PITPNC1: variants seen among roughly 807,000 people sequenced by gnomAD.
PITPNC1 encodes the protein cytoplasmic phosphatidylinositol transfer protein 1.
A neutral mutation model predicts 44.7 loss-of-function variants in PITPNC1; 18 were observed. That is an observed-to-expected ratio of 0.40 (90% confidence interval 0.28 to 0.60). The LOEUF (loss-of-function observed/expected upper bound fraction) is 0.60, where lower values mean the gene tolerates loss of function less well. PITPNC1 is among the 20% of genes least tolerant of loss of function. PITPNC1 has a pLI of 0.39. For missense variants in PITPNC1, 290 were observed against 418.4 expected (o/e 0.69, Z 2.68); for synonymous variants, 141 against 149.6 (o/e 0.94, Z 0.42).
intron 1 of PITPNC1, among the ~76,000 whole-genome samples, chr17:67,387,258 C>G (rs1366397390): frequency 6.6e-6 from 1 of 152,206 alleles, no homozygotes; most frequent in Non-Finnish European, 1.5e-5. Flanking sequence ...GCCCCTGCTG[C>G]TCTCCTGGGT....
chr17:67,464,180 G>A (rs2039389112), intron 1 of PITPNC1, among the ~76,000 whole-genome samples: 3 of 149,990 alleles, frequency 2.0e-5, no homozygotes, highest in African/African-American at 5.0e-5. Context: ...GCGACAGAAC[G>A]AGACTCCATC....
At chr17:67,514,931 C>G (rs1446022058) in intron 1 of PITPNC1, among the ~76,000 whole-genome samples, 1 of 152,138 alleles carries the variant, frequency 6.6e-6, no homozygotes, top group East Asian at 1.9e-4. Flanking sequence ...AATCATGGAG[C>G]TAAAACTTCA....
At chr17:67,575,939 T>C (rs2041143768) in intron 4 of PITPNC1, among the ~76,000 whole-genome samples, 1 of 135,812 alleles carries the variant, frequency 7.4e-6, no homozygotes, top group Non-Finnish European at 1.5e-5. Context: ...TGCAATGGCA[T>C]GATCTCAGCT....
intron 1 of PITPNC1, among the ~76,000 whole-genome samples, chr17:67,501,614 C>G (rs1307181777): frequency 6.6e-6 from 1 of 152,102 alleles, no homozygotes; most frequent in Non-Finnish European, 1.5e-5. Context: ...GGCAGATTGC[C>G]TGAGGTCAGG....
intron 5 of PITPNC1, among the ~76,000 whole-genome samples, chr17:67,596,338 A>G (rs1318302015): frequency 6.6e-6 from 1 of 152,088 alleles, no homozygotes; most frequent in African/African-American, 2.4e-5. Flanking sequence ...TACACGTGGT[A>G]TGTCTTTATT....
At chr17:67,636,281 CAAAAAAAAAAA>C (rs4020398) in intron 6 of PITPNC1, among the ~76,000 whole-genome samples, 2 of 77,348 alleles carry the variant, frequency 2.6e-5, no homozygotes, top group East Asian at 4.6e-4. Context: ...GACTCCGTTT[CAAAAAAAAAAA>C]AAAAAAAAAA....
chr17:67,528,166 C>T (rs1358175112), intron 1 of PITPNC1, among the ~76,000 whole-genome samples: 3 of 152,162 alleles, frequency 2.0e-5, no homozygotes, highest in Admixed American at 1.3e-4. Context: ...CTCTGCCTCC[C>T]GATTAGCTGG....
chr17:67,379,099 T>G, intron 1 of PITPNC1: 1 of 985,956 alleles, frequency 1.0e-6, no homozygotes, highest in South Asian at 4.7e-5. Flanking sequence ...CTCCCCACCT[T>G]TGTGGTGATT....
At chr17:67,406,690 G>C (rs549166340) in intron 1 of PITPNC1, among the ~76,000 whole-genome samples, 7 of 151,014 alleles carry the variant, frequency 4.6e-5, no homozygotes, top group Non-Finnish European at 8.8e-5. Context: ...AGGTTCAAGC[G>C]ATCCTCCTGC....
intron 1 of PITPNC1, among the ~76,000 whole-genome samples, chr17:67,510,758 C>T (rs978585477): frequency 2.0e-5 from 3 of 152,060 alleles, no homozygotes; most frequent in African/African-American, 7.2e-5. Context: ...ACCACCATGC[C>T]CAGCTAATTT....
intron 1 of PITPNC1, chr17:67,378,924 C>T: frequency 2.1e-6 from 2 of 972,664 alleles, no homozygotes; most frequent in Non-Finnish European, 2.4e-6. Flanking sequence ...GTGCCGGGGC[C>T]GCGGCTGCCG....
At chr17:67,571,609 T>C (rs1047382129) in intron 4 of PITPNC1, among the ~76,000 whole-genome samples, 2 of 152,200 alleles carry the variant, frequency 1.3e-5, no homozygotes, top group Non-Finnish European at 2.9e-5. Context: ...TCTTCCACGC[T>C]CACTGGTGGT....
At chr17:67,424,769 C>T (rs967112706) in intron 1 of PITPNC1, among the ~76,000 whole-genome samples, 4 of 151,940 alleles carry the variant, frequency 2.6e-5, no homozygotes, top group Admixed American at 6.6e-5. Flanking sequence ...GTGATCGGCT[C>T]GCTGCAACCT....
chr17:67,559,780 G>A (rs143702658), intron 4 of PITPNC1, among the ~76,000 whole-genome samples: 306 of 152,188 alleles, frequency 2.0e-3, no homozygotes, highest in African/African-American at 7.0e-3. Context: ...CCAGCTCCTC[G>A]GGAGGCTGAC....
rs996953852 is a variant in PITPNC1 at position 67,604,521 on chromosome 17, G to A, written c.366+26264G>A. Among the ~76,000 whole-genome samples, 17 of 152,326 alleles carry A rather than the reference G, an allele frequency of 1.1e-4. No individual in the cohort carries two copies. The East Asian group carries it at 2.7e-3, about 24-fold the overall frequency. ...TCCTAGGCCAGGCACGGTCACTCAC[G>A]CCTGTAATCCCAACACTTTGGGAGG... On this transcript the variant is annotated intron_variant, in intron 5 of 8. Transcript: ENST00000581322.
At chr17:67,596,951 T>C (rs1372619865) in intron 5 of PITPNC1, among the ~76,000 whole-genome samples, 1 of 152,096 alleles carries the variant, frequency 6.6e-6, no homozygotes, top group Non-Finnish European at 1.5e-5. Flanking sequence ...CGTAGAGCAG[T>C]GGCACAATTT....
intron 1 of PITPNC1, among the ~76,000 whole-genome samples, chr17:67,433,671 A>G (rs904935411): frequency 2.2e-4 from 34 of 152,230 alleles, no homozygotes; most frequent in African/African-American, 7.9e-4. Context: ...TGATTGTGCC[A>G]CTGTGCTACA....
intron 2 of PITPNC1, among the ~76,000 whole-genome samples, chr17:67,545,893 C>G (rs968746173): frequency 6.6e-6 from 1 of 151,970 alleles, no homozygotes; most frequent in African/African-American, 2.4e-5. Context: ...TCGGGAGTGA[C>G]AGTGCACAAT....
chr17:67,385,543 C>G (rs900628043), intron 1 of PITPNC1, among the ~76,000 whole-genome samples: 7 of 148,190 alleles, frequency 4.7e-5, no homozygotes, highest in East Asian at 2.1e-4. Context: ...TTGCTGTTCA[C>G]TCTTTTGCTG....
Sources: gnomAD v4.1 joint callset for allele counts (sites outside exome capture counted in the v4.1 genomes callset) on GRCh38, gnomAD v4.1.1 for gene constraint, MANE v1.5 for transcripts, NCBI Gene and HGNC (gene_info 2026-07-23, HGNC 2026-07-21) for gene names.